PSMB6: variants seen among roughly 807,000 people sequenced by gnomAD.
PSMB6 encodes the protein proteasome subunit beta type-6.
A neutral mutation model predicts 28.2 loss-of-function variants in PSMB6; 11 were observed. That is an observed-to-expected ratio of 0.39 (90% CI 0.25 to 0.65). The LOEUF (loss-of-function observed/expected upper bound fraction) is 0.65. PSMB6 is among the 30% of genes least tolerant of loss of function. PSMB6 has a pLI of 0.48. For synonymous variants in PSMB6, 126 were observed against 117.7 expected, an observed-to-expected ratio of 1.07 and a Z score of -0.45; for missense variants, 268 against 319.4, an observed-to-expected ratio of 0.84 and a Z score of 1.23.
At chr17:4,798,179 T>C (rs1905404422) in intron 5 of PSMB6, 26 bp downstream of exon 5, 1 of 1,614,002 alleles carries the variant, frequency 6.2e-7, no homozygotes, top group Non-Finnish European at 8.5e-7. Context: ...TCTGGGCCTA[T>C]GAGCTTCAAC....
Position 4,796,760 on chromosome 17 carries a change from C to A in PSMB6, c.135C>A (p.Gly45=), listed in dbSNP as rs1905342372. ...TTIMAVQFDG[G]VVLGADSRTT... ...TCATGGCCGTGCAGTTTGACGGGGG[C>A]GTGGTTCTGGGGGCGGACTCCAGAA... Residue 45 remains glycine, a synonymous_variant, in exon 2 of 6, where the codon GGC becomes GGA. Transcript: ENST00000270586. The A allele has an allele frequency of 1.2e-6, 2 of 1,609,888 alleles. No homozygotes were observed. The highest frequency in any genetic ancestry group is 1.1e-5 in the South Asian group (1 of 90,980).
At chr17:4,798,230 A>G in intron 5 of PSMB6, 50 bp from the exon 6 acceptor site, 4 of 1,612,768 alleles carry the variant, frequency 2.5e-6, no homozygotes, top group Non-Finnish European at 3.4e-6. Context: ...CATTCCTTGC[A>G]GTGATCCCGG....
At chr17:4,796,695 A>AT in intron 1 of PSMB6, 33 bp from the exon 2 acceptor site, 1 of 1,525,996 alleles carries the variant, frequency 6.6e-7, no homozygotes, top group Non-Finnish European at 9.1e-7. Context: ...TCTGCTGGAG[A>AT]ATGTAGACTT....
In PSMB6 at chr17:4,796,277, G is replaced by T; in HGVS notation, c.83G>T (p.Ser28Ile). The change falls in exon 1 of 6, where the codon AGC becomes ATC. Residue 28 changes from serine (S) to isoleucine (I), a missense_variant. Physicochemically the swap from Ser to Ile is moderately radical, Grantham distance 142 (BLOSUM62 -2). Coordinates refer to ENST00000270586, the MANE Select transcript of PSMB6 (RefSeq NM_002798.3). ...GAGGCGTTCACTCCAGACTGGGAAA[G>T]CCGAGAAGTTTCCACTGGGGTGAGG... ...GPEAFTPDWE[S>I]REVSTGTTIM... The T allele has an allele frequency of 6.3e-7, 1 of 1,582,696 alleles. No individual in the cohort carries two copies. Among genetic ancestry groups the T allele is most frequent in the South Asian group, 1.2e-5 (1 of 86,652 alleles).
At chr17:4,797,232 T>C in intron 2 of PSMB6, 1 of 584,790 alleles carries the variant, frequency 1.7e-6, no homozygotes, top group South Asian at 2.8e-5. Flanking sequence ...AGAGAATCGC[T>C]TGGACCCAGG....
chr17:4,797,801 A>G lies in PSMB6; in HGVS notation c.422A>G (p.Glu141Gly). 4 of 1,613,994 alleles carry G rather than the reference A, an allele frequency of 2.5e-6. No individual in the cohort carries two copies. Among genetic ancestry groups the G allele is most frequent in the Non-Finnish European group, 3.4e-6 (4 of 1,179,966 alleles). ...GIIIAGWDPQ[E>G]GGQVYSVPMG... ...ATCATCGCAGGCTGGGACCCTCAAG[A>G]AGGAGGGCAGGTCAGATCCCCACCC... Residue 141 changes from glutamate to glycine, a missense_variant, in exon 4 of 6, where the codon GAA becomes GGA. Physicochemically the swap from Glu to Gly is moderately conservative, Grantham distance 98. Coordinates refer to ENST00000270586, the MANE Select transcript of PSMB6 (RefSeq NM_002798.3).
Position 4,797,723 on chromosome 17 carries a change from G to A in PSMB6, c.344G>A (p.Ser115Asn), listed in dbSNP as rs769496105. ...CCTCCACTGGTCCACACAGCAGCCA[G>A]CCTCTTTAAGGAGATGTGTTACCGA... Reference protein sequence around the residue: ...NEPPLVHTAASLFKEMCYRYR... With the variant: ...NEPPLVHTAANLFKEMCYRYR... The change falls in exon 4 of 6, where the codon AGC becomes AAC. Residue 115 changes from serine to asparagine, a missense_variant. Transcript: ENST00000270586. The A allele has an allele frequency of 1.2e-6, 2 of 1,614,196 alleles. No homozygotes were observed. Among genetic ancestry groups the A allele is most frequent in the Non-Finnish European group, 1.7e-6 (2 of 1,180,030 alleles).
At position 4,798,098 on chromosome 17, in the gene PSMB6, T is replaced by C. The variant is rs552037317; in HGVS notation, c.522T>C (p.Asp174=). The change falls in exon 5 of 6, where the codon GAT becomes GAC. Residue 174 remains aspartate, a synonymous_variant. Coordinates refer to ENST00000270586, the MANE Select transcript of PSMB6 (RefSeq NM_002798.3). ...GCTCCTACATCTATGGCTATGTTGA[T>C]GCTACCTACCGGGAAGGCATGACCA... is the stretch of plus-strand genomic sequence containing the variant. ...SGSSYIYGYV[D]ATYREGMTKE... is the part of the protein sequence containing the mutation. 1 of 1,614,216 alleles carries C rather than the reference T, an allele frequency of 6.2e-7. No individual in the cohort carries two copies. The highest frequency in any genetic ancestry group is 1.1e-5 in the South Asian group (1 of 91,086).
At chr17:4,796,329 A>C (rs968061810) in intron 1 of PSMB6, 33 bp downstream of exon 1, 3 of 1,484,630 alleles carry the variant, frequency 2.0e-6, no homozygotes, top group African/African-American at 2.8e-5. Context: ...TAGGACGTGC[A>C]CAAGGCCTGA....
rs1420222555 is a variant in PSMB6 at position 4,798,135 on chromosome 17, C to T, written c.559C>T (p.Leu187=). 6 of 1,614,088 alleles carry T rather than the reference C, an allele frequency of 3.7e-6. No homozygotes were observed. Among genetic ancestry groups the T allele is most frequent in the Non-Finnish European group, 5.1e-6 (6 of 1,180,048 alleles). ...YREGMTKEEC[L]QFTANALALA... ...GGAAGGCATGACCAAGGAAGAGTGT[C>T]TGCAATTCACTGCCAATGGTGAGAG... The change falls in exon 5 of 6, where the codon CTG becomes TTG. Residue 187 remains leucine (L), a synonymous_variant. Coordinates refer to ENST00000270586, the MANE Select transcript of PSMB6 (RefSeq NM_002798.3).
rs1371451553 is a variant in PSMB6, at chr17:4,796,267, G to T, written c.73G>T (p.Asp25Tyr). The change falls in exon 1 of 6, where the codon GAC becomes TAC. Residue 25 changes from aspartate (D) to tyrosine (Y), a missense_variant. Physicochemically the swap from Asp to Tyr is radical, Grantham distance 160. Transcript: ENST00000270586. Reference protein sequence around the residue: ...PAWGPEAFTPDWESREVSTGT... With the variant: ...PAWGPEAFTPYWESREVSTGT... ...TTGGGGGCCGGAGGCGTTCACTCCA[G>T]ACTGGGAAAGCCGAGAAGTTTCCAC... 1 of 1,585,850 alleles carries T rather than the reference G, an allele frequency of 6.3e-7. No homozygotes were observed. Among genetic ancestry groups the T allele is most frequent in the Non-Finnish European group, 8.6e-7 (1 of 1,165,868 alleles).
intron 1 of PSMB6, 58 bp downstream of exon 1, chr17:4,796,354 A>G: frequency 7.3e-7 from 1 of 1,364,020 alleles, no homozygotes; most frequent in Non-Finnish European, 1.0e-6. Flanking sequence ...ATGGGAAGAT[A>G]AAGCCTGAGT....
chr17:4,796,380 G>T, intron 1 of PSMB6, 84 bp downstream of exon 1: 2 of 1,128,378 alleles, frequency 1.8e-6, no homozygotes, highest in Non-Finnish European at 2.6e-6. Flanking sequence ...TGAGAGATCT[G>T]GCAGGGGTGG....
In PSMB6 at chr17:4,796,180, T is replaced by C. The variant is rs1225101252; in HGVS notation, c.-15T>C. On this transcript the variant is annotated 5_prime_UTR_variant, in exon 1 of 6. Coordinates refer to ENST00000270586, the MANE Select transcript of PSMB6 (RefSeq NM_002798.3). ...CTTTACGACAGTTGCTTTGAGGCAGTACCGGAGGAGAAAGATGGCGGCTAC... is the reference window on the plus strand; with the variant it reads ...CTTTACGACAGTTGCTTTGAGGCAGCACCGGAGGAGAAAGATGGCGGCTAC... The C allele has an allele frequency of 6.4e-7, 1 of 1,569,686 alleles. No individual in the cohort carries two copies. Among genetic ancestry groups the C allele is most frequent in the South Asian group, 1.2e-5 (1 of 85,460 alleles).
chr17:4,798,366 G>C lies in PSMB6; in HGVS notation c.664G>C (p.Val222Leu). 1 of 1,614,234 alleles carries C rather than the reference G, an allele frequency of 6.2e-7. No individual in the cohort carries two copies. Among genetic ancestry groups the C allele is most frequent in the Non-Finnish European group, 8.5e-7 (1 of 1,180,048 alleles). The change falls in exon 6 of 6, where the codon GTA becomes CTA. Residue 222 changes from valine to leucine, a missense_variant. Val to Leu is a conservative substitution (Grantham distance 32). Coordinates refer to ENST00000270586, the MANE Select transcript of PSMB6 (RefSeq NM_002798.3). ...AIAESGVERQ[V>L]LLGDQIPKFA... ...TGCAGAGTCAGGGGTAGAGCGGCAA[G>C]TACTTTTGGGAGACCAGATACCCAA...
intron 4 of PSMB6, 34 bp downstream of exon 4, chr17:4,797,845 C>T (rs1258892213): frequency 6.2e-7 from 1 of 1,612,398 alleles, no homozygotes. Context: ...CACACTTGAG[C>T]CAGGACTTTT....
Position 4,796,362 on chromosome 17 carries a change from A to T in PSMB6, c.102+66A>T, listed in dbSNP as rs1287611443. On this transcript the variant is annotated intron_variant, in intron 1 of 5. Coordinates refer to ENST00000270586, the MANE Select transcript of PSMB6 (RefSeq NM_002798.3). ...TGACGCGATGGGAAGATAAAGCCTG[A>T]GTGGGGTTGAGAGATCTGGCAGGGG... 8 of 1,288,614 alleles carry T rather than the reference A, an allele frequency of 6.2e-6. No homozygotes were observed. The Admixed American group carries it at 1.3e-4, about 21-fold the overall frequency. 79.8% of individuals were successfully genotyped at this position (1,288,614 alleles called of 1,614,324 possible).
chr17:4,797,580 G>A lies in PSMB6; in HGVS notation c.302+11G>A. 1 of 1,592,768 alleles carries A rather than the reference G, an allele frequency of 6.3e-7. No homozygotes were observed. The highest frequency in any genetic ancestry group is 1.1e-5 in the South Asian group (1 of 89,112). ...GCTCGGTTTCCACAGGTGCTTGTGG[G>A]CAGGGGAGGGGCAAGTATCTGAAGG... is the stretch of plus-strand genomic sequence containing the variant. On this transcript the variant is annotated intron_variant, in intron 3 of 5. Coordinates refer to ENST00000270586, the MANE Select transcript of PSMB6 (RefSeq NM_002798.3).
rs1567517010 is a variant in PSMB6, at chr17:4,796,710, C to T, written c.103-18C>T. The T allele has an allele frequency of 6.3e-7, 1 of 1,582,574 alleles. No homozygotes were observed. Among genetic ancestry groups the T allele is most frequent in the Non-Finnish European group, 8.7e-7 (1 of 1,151,450 alleles). On this transcript the variant is annotated intron_variant, in intron 1 of 5. Transcript: ENST00000270586. ...TCTGCTGGAGAATGTAGACTTACTC[C>T]TTTTTCCCTTTTCCCAGACCACTAT... is the stretch of plus-strand genomic sequence containing the variant.
Sources: allele counts gnomAD v4.1 joint callset, GRCh38; gene constraint gnomAD v4.1.1; transcripts MANE v1.5; gene names NCBI Gene and HGNC (gene_info 2026-07-23, HGNC 2026-07-21).